The following RNF130 variants were observed in gnomAD, a reference collection of about 807,000 sequenced individuals.
The protein encoded by RNF130 is E3 ubiquitin-protein ligase RNF130.
RNF130 carries 21 observed loss-of-function variants against 44.6 expected under a neutral mutation model. The observed-to-expected ratio is 0.47, with a 90% CI of 0.33 to 0.68. RNF130 has a LOEUF of 0.68. RNF130 is among the 30% of genes least tolerant of loss of function. The pLI is 0.02. For synonymous variants in RNF130, 214 were observed against 210.4 expected (o/e 1.02, Z -0.15); for missense variants, 479 against 560.6 (o/e 0.85, Z 1.47).
chr5:180,013,993 C>T (rs555077313), intron 2 of RNF130, among the ~76,000 whole-genome samples: 1 of 152,184 alleles, frequency 6.6e-6, no homozygotes, highest in African/African-American at 2.4e-5. Flanking sequence ...GGAGTTGAGG[C>T]TCCTTGCTAG....
At position 179,967,375 on chromosome 5, in the gene RNF130, G is replaced by A. The variant is rs181963785; in HGVS notation, c.946-365C>T. ...TTGCTTCATGGTAAATGTCCATGTT[G>A]AAGAATCCCAGGTAATAGAAAACAC... On this transcript the variant is annotated intron_variant, in intron 6 of 8. Coordinates refer to ENST00000521389, the MANE Select transcript of RNF130 (RefSeq NM_018434.6). Among the ~76,000 whole-genome samples the A allele has an allele frequency of 1.9e-3, 295 of 152,330 alleles. 1 individual carries two copies. The highest frequency in any genetic ancestry group is 3.8e-3 in the Non-Finnish European group (257 of 68,020).
chr5:179,994,405 T>C (rs1763157089), intron 3 of RNF130, among the ~76,000 whole-genome samples: 1 of 152,232 alleles, frequency 6.6e-6, no homozygotes, highest in African/African-American at 2.4e-5. Context: ...TGGTTTGTAG[T>C]TCTTCTTGAA....
At chr5:180,047,203 C>T (rs1764585460) in intron 1 of RNF130, among the ~76,000 whole-genome samples, 2 of 152,106 alleles carry the variant, frequency 1.3e-5, no homozygotes, top group African/African-American at 4.8e-5. Context: ...CTGCTTCTAC[C>T]CTATCTTTCC....
intron 1 of RNF130, among the ~76,000 whole-genome samples, chr5:180,057,501 C>A (rs1024624916): frequency 3.9e-5 from 6 of 151,954 alleles, no homozygotes; most frequent in African/African-American, 1.5e-4. Flanking sequence ...TGAGCCAAGA[C>A]CGTACCACTG....
At chr5:179,955,065 C>A (rs1385706646), downstream of RNF130, 4 of 152,208 alleles carry the variant, frequency 2.6e-5, no homozygotes, top group South Asian at 2.1e-4. Flanking sequence ...GACACTCATT[C>A]CTTCATTCCA....
intron 2 of RNF130, among the ~76,000 whole-genome samples, chr5:180,038,043 G>GT (rs1764288723): frequency 6.6e-6 from 1 of 152,074 alleles, no homozygotes; most frequent in South Asian, 2.1e-4. Flanking sequence ...ATAAAACAGG[G>GT]TTTTTTGTTT....
intron 3 of RNF130, among the ~76,000 whole-genome samples, chr5:180,008,612 C>CA (rs1375803469): frequency 1.3e-5 from 2 of 151,978 alleles, no homozygotes; most frequent in African/African-American, 4.8e-5. Flanking sequence ...TGGCAGGACA[C>CA]AGTGGCTCAT....
At chr5:180,013,360 G>A (rs1302803058) in intron 2 of RNF130, 49 bp from the exon 3 acceptor site, 1 of 1,500,828 alleles carries the variant, frequency 6.7e-7, no homozygotes, top group East Asian at 2.3e-5. Context: ...AAAACTTATG[G>A]AAACATCAAA....
intron 3 of RNF130, among the ~76,000 whole-genome samples, chr5:179,999,973 T>C (rs1763297151): frequency 6.6e-6 from 1 of 151,928 alleles, no homozygotes; most frequent in Non-Finnish European, 1.5e-5. Flanking sequence ...GGCGGTTTAC[T>C]GTAGTGCTAA....
At chr5:179,958,649 C>T (rs1161947577) in intron 8 of RNF130, among the ~76,000 whole-genome samples, 4 of 152,204 alleles carry the variant, frequency 2.6e-5, no homozygotes, top group African/African-American at 7.2e-5. Context: ...CAAAGTGTCC[C>T]GTGTTTTGGA....
At chr5:179,981,922 CCT>C (rs1762849822) in intron 3 of RNF130, among the ~76,000 whole-genome samples, 1 of 152,056 alleles carries the variant, frequency 6.6e-6, no homozygotes, top group Admixed American at 6.6e-5. Flanking sequence ...AAATCTACAC[CCT>C]GACATATATT....
At chr5:179,976,379 C>T (rs1762716117) in intron 5 of RNF130, among the ~76,000 whole-genome samples, 1 of 152,180 alleles carries the variant, frequency 6.6e-6, no homozygotes, top group African/African-American at 2.4e-5. Flanking sequence ...TGGGCTGAAA[C>T]AGCAAGACAG....
At chr5:180,032,803 A>G (rs2113125792) in intron 2 of RNF130, among the ~76,000 whole-genome samples, 1 of 152,300 alleles carries the variant, frequency 6.6e-6, no homozygotes, top group East Asian at 1.9e-4. Context: ...TATTCTAGGT[A>G]CTTTGCATTT....
chr5:179,936,031 C>T (rs1286564157), intron 7 of RNF130, among the ~76,000 whole-genome samples: 1 of 152,234 alleles, frequency 6.6e-6, no homozygotes. Context: ...ACTCTTCCTG[C>T]ATCTCCGTGT....
chr5:179,944,487 G>A (rs918945815), intron 7 of RNF130, among the ~76,000 whole-genome samples: 6 of 151,820 alleles, frequency 4.0e-5, no homozygotes, highest in African/African-American at 1.2e-4. Context: ...TTTTTGAGAT[G>A]GAGTCTTGCT....
At chr5:179,992,440 C>A (rs1282748427) in intron 3 of RNF130, among the ~76,000 whole-genome samples, 2 of 152,236 alleles carry the variant, frequency 1.3e-5, no homozygotes, top group African/African-American at 4.8e-5. Flanking sequence ...CCACGCCCGG[C>A]CCTAAATCAT....
Position 180,028,180 on chromosome 5 carries a change from G to A in RNF130, c.442+12273C>T, listed in dbSNP as rs143117384. Among the ~76,000 whole-genome samples the A allele has an allele frequency of 3.0e-3, 459 of 152,190 alleles. 4 individuals are homozygous for A. Among genetic ancestry groups the A allele is most frequent in the Middle Eastern group, 0.014 (4 of 294 alleles). On this transcript the variant is annotated intron_variant, in intron 2 of 8. Transcript: ENST00000521389. ...CTTCTCAACTCCTCAACTCCGACTC[G>A]GATGCTGTTTCCTCAAGGCATTCCT... is the stretch of plus-strand genomic sequence containing the variant.
intron 7 of RNF130, among the ~76,000 whole-genome samples, chr5:179,943,614 T>C (rs156099): frequency 0.051 from 7,828 of 152,266 alleles, 684 homozygotes; most frequent in African/African-American, 0.18. Context: ...AGATGTGTCA[T>C]TATTTCATAC....
chr5:180,020,069 G>C (rs1763837559), intron 2 of RNF130, among the ~76,000 whole-genome samples: 1 of 152,180 alleles, frequency 6.6e-6, no homozygotes, highest in East Asian at 1.9e-4. Context: ...AAGAGAGGGG[G>C]AGAAAGGGAA....
Sources: allele counts gnomAD v4.1 joint callset (sites outside exome capture counted in the v4.1 genomes callset), GRCh38; gene constraint gnomAD v4.1.1; transcripts MANE v1.5; gene names NCBI Gene and HGNC (gene_info 2026-07-23, HGNC 2026-07-21).